Variants in HUNK observed in about 807,000 individuals in gnomAD.
HUNK encodes the protein hormonally up-regulated Neu-associated kinase.
HUNK carries 21 observed loss-of-function variants against 61.0 expected under a neutral mutation model. The ratio of observed to expected loss-of-function variants is 0.34; its 90% CI spans 0.24 to 0.50. HUNK has a LOEUF of 0.50. HUNK is among the 20% of genes least tolerant of loss of function. The pLI is 0.98. For synonymous variants in HUNK, 371 were observed against 386.1 expected (o/e 0.96, Z 0.46); for missense variants, 772 against 945.7 (o/e 0.82, Z 2.41).
intron 5 of HUNK, among the ~76,000 whole-genome samples, chr21:31,965,413 A>C (rs1209944344): frequency 2.0e-5 from 3 of 151,910 alleles, no homozygotes; most frequent in African/African-American, 7.3e-5. Flanking sequence ...ACATGAGTTT[A>C]CCTATATAAC....
Position 31,891,340 on chromosome 21 carries a change from G to C in HUNK, c.261+17405G>C, listed in dbSNP as rs182850421. Among the ~76,000 whole-genome samples, 9 of 152,380 alleles carry C rather than the reference G, an allele frequency of 5.9e-5. No homozygotes were observed. In the East Asian group the frequency reaches 1.2e-3, roughly 20 times the overall value. On this transcript the variant is annotated intron_variant, in intron 1 of 10. Coordinates refer to ENST00000270112, the MANE Select transcript of HUNK (RefSeq NM_014586.2). ...TGCAGTGAGTGGAGATTGCGCCACT[G>C]CACTCCAGCCTGGGCGACAGAGTGA... is the stretch of plus-strand genomic sequence containing the variant.
intron 1 of HUNK, among the ~76,000 whole-genome samples, chr21:31,906,537 C>G (rs2052506844): frequency 6.6e-6 from 1 of 152,122 alleles, no homozygotes; most frequent in Non-Finnish European, 1.5e-5. Context: ...CGGGCTCAGG[C>G]TCCTGCCTCA....
chr21:31,998,790 A>T lies in HUNK; in HGVS notation c.1751A>T (p.Asn584Ile), dbSNP rs372603135. Reference sequence around the variant, plus strand: ...CCCTCTCATCACTACAGGATTCTGAACTCCCCGGTCAGCTTGGCTCGCAGA... The same window carrying T: ...CCCTCTCATCACTACAGGATTCTGATCTCCCCGGTCAGCTTGGCTCGCAGA... Reference protein sequence around the residue: ...LSPSHHYRILNSPVSLARRNS... With the variant: ...LSPSHHYRILISPVSLARRNS... The change falls in exon 11 of 11, where the codon AAC (asparagine) becomes ATC (isoleucine). Residue 584 changes from asparagine (N) to isoleucine (I), a missense_variant. Physicochemically the swap from Asn to Ile is moderately radical, Grantham distance 149. Coordinates refer to ENST00000270112, the MANE Select transcript of HUNK (RefSeq NM_014586.2). 95 of 1,613,688 alleles carry T rather than the reference A, an allele frequency of 5.9e-5. No individual in the cohort carries two copies. The highest frequency in any genetic ancestry group is 7.9e-5 in the Non-Finnish European group (93 of 1,179,982).
intron 1 of HUNK, among the ~76,000 whole-genome samples, chr21:31,901,169 T>C (rs1601367055): frequency 6.6e-6 from 1 of 152,198 alleles, no homozygotes; most frequent in African/African-American, 2.4e-5. Flanking sequence ...AAGGTCACCT[T>C]CTGAGCTGCT....
chr21:31,987,116 G>T (rs2123248497), intron 8 of HUNK, among the ~76,000 whole-genome samples: 1 of 152,326 alleles, frequency 6.6e-6, no homozygotes, highest in Non-Finnish European at 1.5e-5. Context: ...CTCAGAAAAT[G>T]GATAGGTCTG....
intron 1 of HUNK, among the ~76,000 whole-genome samples, chr21:31,885,264 T>C (rs2052337881): frequency 6.6e-6 from 1 of 152,234 alleles, no homozygotes; most frequent in African/African-American, 2.4e-5. Context: ...CAGGTATTAG[T>C]ACATTAATGC....
intron 9 of HUNK, among the ~76,000 whole-genome samples, chr21:31,992,859 G>A (rs1225571375): frequency 1.3e-5 from 2 of 152,250 alleles, no homozygotes; most frequent in East Asian, 1.9e-4. Context: ...AAATAAACAT[G>A]CTTTCTCTGG....
At chr21:31,915,560 T>C (rs2052576245) in intron 1 of HUNK, among the ~76,000 whole-genome samples, 1 of 152,006 alleles carries the variant, frequency 6.6e-6, no homozygotes, top group South Asian at 2.1e-4. Context: ...TTGATCAGTA[T>C]ATTTTTTTTC....
Position 32,000,161 on chromosome 21 carries a change from A to G in HUNK, c.*977A>G, listed in dbSNP as rs1334630650. 5.0e-6 allele frequency: 2 copies of G among 398,806 alleles called. No individual in the cohort carries two copies. The highest frequency in any genetic ancestry group is 8.8e-6 in the Non-Finnish European group (2 of 226,100). 24.7% of individuals were successfully genotyped at this position (398,806 alleles called of 1,614,324 possible). On this transcript the variant is annotated 3_prime_UTR_variant, in exon 11 of 11. Transcript: ENST00000270112. ...TAGAAAGAGGGAAAAGATGATTGTGACAATTCAGAGCATAACTCAGATGGC... is the reference window on the plus strand; with the variant it reads ...TAGAAAGAGGGAAAAGATGATTGTGGCAATTCAGAGCATAACTCAGATGGC...
chr21:31,892,148 T>TAAAAA (rs748197431), intron 1 of HUNK, among the ~76,000 whole-genome samples: 1 of 93,032 alleles, frequency 1.1e-5, no homozygotes, highest in Admixed American at 1.3e-4. Flanking sequence ...AGAATTTGGT[T>TAAAAA]AAAAAAAAAA....
At chr21:31,931,015 G>T (rs2833562) in intron 2 of HUNK, among the ~76,000 whole-genome samples, 6,126 of 104,154 alleles carry the variant, frequency 0.059, 163 homozygotes, top group Middle Eastern at 0.27. Flanking sequence ...AATAAATCAA[G>T]AATTTGCACA....
chr21:31,916,750 C>T (rs1030270022), intron 1 of HUNK, among the ~76,000 whole-genome samples: 2 of 151,722 alleles, frequency 1.3e-5, no homozygotes, highest in Non-Finnish European at 2.9e-5. Context: ...TTTCTTGGCT[C>T]ACTGCAGGCT....
intron 6 of HUNK, among the ~76,000 whole-genome samples, chr21:31,973,787 C>G (rs1054939740): frequency 1.4e-4 from 21 of 152,158 alleles, no homozygotes; most frequent in African/African-American, 5.1e-4. Context: ...ACTCATAGGA[C>G]TATCAGGATG....
intron 1 of HUNK, among the ~76,000 whole-genome samples, chr21:31,878,520 A>C (rs562445343): frequency 2.6e-5 from 4 of 152,084 alleles, no homozygotes; most frequent in African/African-American, 9.6e-5. Context: ...GGATCATTTG[A>C]GGTCAGGAGT....
At chr21:31,943,057 T>C (rs1329206187) in intron 3 of HUNK, among the ~76,000 whole-genome samples, 1 of 152,210 alleles carries the variant, frequency 6.6e-6, no homozygotes, top group African/African-American at 2.4e-5. Context: ...TGAAAGCTCT[T>C]TGAACCTTCT....
At chr21:31,938,819 C>A (rs928057912) in intron 2 of HUNK, among the ~76,000 whole-genome samples, 1 of 152,164 alleles carries the variant, frequency 6.6e-6, no homozygotes, top group South Asian at 2.1e-4. Flanking sequence ...CAAGGTATGC[C>A]TGCATTGGCA....
intron 1 of HUNK, among the ~76,000 whole-genome samples, chr21:31,884,001 G>A (rs891739014): frequency 6.6e-6 from 1 of 152,194 alleles, no homozygotes; most frequent in African/African-American, 2.4e-5. Context: ...GGATTGCAAG[G>A]GAGAGGCATG....
chr21:31,960,277 G>T (rs60148069), intron 5 of HUNK, among the ~76,000 whole-genome samples: 16,425 of 152,098 alleles, frequency 0.11, 926 homozygotes, highest in Middle Eastern at 0.21. Flanking sequence ...AGCAGGGGAA[G>T]CTAAAAATAA....
chr21:31,933,410 G>C (rs1443693426), intron 2 of HUNK, among the ~76,000 whole-genome samples: 1 of 151,996 alleles, frequency 6.6e-6, no homozygotes, highest in Non-Finnish European at 1.5e-5. Flanking sequence ...AGCACTTTGG[G>C]AAGCCAAGGT....
Sources: allele counts gnomAD v4.1 joint callset (sites outside exome capture counted in the v4.1 genomes callset), GRCh38; gene constraint gnomAD v4.1.1; transcripts MANE v1.5; gene names NCBI Gene and HGNC (gene_info 2026-07-23, HGNC 2026-07-21).